Variants in SUPT6H observed in about 807,000 individuals in gnomAD.
The protein encoded by SUPT6H is transcription elongation factor SPT6.
In SUPT6H, 11 loss-of-function variants were observed where a neutral mutation model predicts 222.3. The observed-to-expected ratio is 0.05, with a 90% CI of 0.03 to 0.08. SUPT6H has a LOEUF of 0.08. Ranked by LOEUF, SUPT6H falls within the 10% of genes least tolerant of loss-of-function variation. The pLI, the probability that SUPT6H is intolerant of heterozygous loss-of-function variation, is 1.00. For missense variants in SUPT6H, 1,422 were observed against 2,216.0 expected (o/e 0.64, Z 7.19); for synonymous variants, 762 against 801.2 (o/e 0.95, Z 0.83).
At position 28,680,385 on chromosome 17, in the gene SUPT6H, G is replaced by A. The variant is rs148599211; in HGVS notation, c.1350-871G>A. On this transcript the variant is annotated intron_variant, in intron 11 of 36. Coordinates refer to ENST00000314616, the MANE Select transcript of SUPT6H (RefSeq NM_003170.5). ...GGCTGAGGTGGGCAGATCACCTGAC[G>A]TCAGGAGTTTGAGACCAGACTGGCC... is the stretch of plus-strand genomic sequence containing the variant. Among the ~76,000 whole-genome samples, 874 of 152,146 alleles carry A rather than the reference G, an allele frequency of 5.7e-3. 6 individuals are homozygous for A. Among genetic ancestry groups the A allele is most frequent in the African/African-American group, 0.02 (833 of 41,490 alleles).
Position 28,678,978 on chromosome 17 carries a change from G to A in SUPT6H, c.1349+15G>A, listed in dbSNP as rs531883002. The A allele has an allele frequency of 8.1e-6, 13 of 1,613,950 alleles. No homozygotes were observed. Among genetic ancestry groups the A allele is most frequent in the Non-Finnish European group, 1.1e-5 (13 of 1,179,980 alleles). ...GACATGGAGAGGTAAAACATGCGGT[G>A]TTTATTCCATTATGGGAAGCCCTCA... On this transcript the variant is annotated intron_variant, in intron 11 of 36. Coordinates refer to ENST00000314616, the MANE Select transcript of SUPT6H (RefSeq NM_003170.5).
chr17:28,695,218 CA>C (rs2031846371), intron 28 of SUPT6H, 133 bp from the exon 29 acceptor site: 1 of 850,838 alleles, frequency 1.2e-6, no homozygotes, highest in Non-Finnish European at 1.8e-6. Flanking sequence ...TGCCATTCAG[CA>C]GCTGGCTGGC....
intron 17 of SUPT6H, 93 bp downstream of exon 17, chr17:28,683,909 C>T (rs1378243427): frequency 4.1e-5 from 50 of 1,223,016 alleles, no homozygotes; most frequent in Non-Finnish European, 5.2e-5. Context: ...AATCTTGGCT[C>T]ACTGCAAGCT....
At position 28,669,198 on chromosome 17, in the gene SUPT6H, GT is replaced by G. The variant is rs377085961; in HGVS notation, c.-31-4166del. Reference sequence around the variant, plus strand: ...TTTATGAATAACAGTAGTTTTTTGGGTTTTTTTGTTTGTTTGTTTGTTTTGA... The same window carrying G: ...TTTATGAATAACAGTAGTTTTTTGGGTTTTTTGTTTGTTTGTTTGTTTTGA... On this transcript the variant is annotated intron_variant, in intron 1 of 36. Coordinates refer to ENST00000314616, the MANE Select transcript of SUPT6H (RefSeq NM_003170.5). Among the ~76,000 whole-genome samples the G allele has an allele frequency of 5.6e-4, 86 of 152,228 alleles. 1 individual carries two copies. The Middle Eastern group carries it at 0.02, about 36-fold the overall frequency.
At chr17:28,687,924 CTTTTT>C (rs75324284) in intron 23 of SUPT6H, among the ~76,000 whole-genome samples, 162 bp from the exon 24 acceptor site, 2 of 134,214 alleles carry the variant, frequency 1.5e-5, no homozygotes, top group African/African-American at 2.7e-5. Context: ...TAAAGCAAAA[CTTTTT>C]TTTTTTTTTT....
At position 28,677,783 on chromosome 17, in the gene SUPT6H, G is replaced by C. The variant is rs373272372; in HGVS notation, c.966G>C (p.Arg322Ser). ...AAGAAGAAGCTGACTGGATCTACAG[G>C]AATGCTTTTGCCACACCAACCATTT... is the stretch of plus-strand genomic sequence containing the variant. ...ELEEEADWIY[R>S]NAFATPTISL... The change falls in exon 8 of 37, where the codon AGG (arginine) becomes AGC (serine). Residue 322 changes from arginine (R) to serine (S), a missense_variant. Arg to Ser is a moderately radical substitution (Grantham distance 110, BLOSUM62 -1). Transcript: ENST00000314616. 1 of 1,614,110 alleles carries C rather than the reference G, an allele frequency of 6.2e-7. No individual in the cohort carries two copies. The highest frequency in any genetic ancestry group is 1.3e-5 in the African/African-American group (1 of 74,934).
chr17:28,670,426 C>T (rs2030344819), intron 1 of SUPT6H: 1 of 152,128 alleles, frequency 6.6e-6, no homozygotes. Context: ...GCTTAAAATA[C>T]CCAAGAGAGA....
intron 31 of SUPT6H, 68 bp downstream of exon 31, chr17:28,697,801 A>G: frequency 6.2e-7 from 1 of 1,607,380 alleles, no homozygotes; most frequent in Non-Finnish European, 8.5e-7. Context: ...TCCCTTCAGT[A>G]TAGGGGACAC....
intron 1 of SUPT6H, among the ~76,000 whole-genome samples, chr17:28,663,565 C>A (rs1411603194): frequency 6.6e-6 from 1 of 152,074 alleles, no homozygotes; most frequent in Non-Finnish European, 1.5e-5. Flanking sequence ...TAATAAATGG[C>A]ACTACCATCA....
chr17:28,680,653 T>C (rs1341199994), intron 11 of SUPT6H, among the ~76,000 whole-genome samples: 1 of 152,162 alleles, frequency 6.6e-6, no homozygotes, highest in Non-Finnish European at 1.5e-5. Flanking sequence ...GTTTTGTTTT[T>C]GTTTTTGTTT....
At chr17:28,667,429 ATATATATG>A (rs1373069411) in intron 1 of SUPT6H, among the ~76,000 whole-genome samples, 25 of 135,632 alleles carry the variant, frequency 1.8e-4, no homozygotes, top group Non-Finnish European at 3.9e-4. Context: ...ATATATATAT[ATATATATG>A]TATGTGTGTG....
intron 9 of SUPT6H, 61 bp downstream of exon 9, chr17:28,678,253 G>A: frequency 4.1e-6 from 6 of 1,446,268 alleles, no homozygotes; most frequent in Admixed American, 1.9e-5. Context: ...TGAGGGAAAA[G>A]ATAATTACCT....
Position 28,700,238 on chromosome 17 carries a change from A to G in SUPT6H, c.4627A>G (p.Ile1543Val). 6.2e-7 allele frequency: 1 copy of G among 1,614,214 alleles called. No homozygotes were observed. The highest frequency in any genetic ancestry group is 8.5e-7 in the Non-Finnish European group (1 of 1,180,038). Residue 1543 changes from isoleucine (I) to valine (V), a missense_variant, in exon 34 of 37, where the codon ATC becomes GTC. Around this residue, in one of 13 missense-constraint regions of SUPT6H, gnomAD observed 395 missense variants for 580.6 expected, o/e 0.68. Coordinates refer to ENST00000314616, the MANE Select transcript of SUPT6H (RefSeq NM_003170.5). ...CTCTATCAATGCTACCCCAGCCAAC[A>G]TCAACCTTGCAGGTGAGGAGCTTGA... is the stretch of plus-strand genomic sequence containing the variant. ...PASINATPAN[I>V]NLADLTRAVN... is the part of the protein sequence containing the mutation.
At chr17:28,678,481 C>A in intron 9 of SUPT6H, 64 bp from the exon 10 acceptor site, 1 of 1,492,742 alleles carries the variant, frequency 6.7e-7, no homozygotes, top group Non-Finnish European at 9.3e-7. Context: ...TCATTATCTA[C>A]TGACAGAGGG....
chr17:28,689,566 G>A lies in SUPT6H; in HGVS notation c.3342+5G>A, dbSNP rs2031546627. On this transcript the variant is annotated splice_donor_5th_base_variant and intron_variant, in intron 25 of 36. Coordinates refer to ENST00000314616, the MANE Select transcript of SUPT6H (RefSeq NM_003170.5). ...GCAGAAGAGCTGGAGAGGCAGGTAA[G>A]GGACAGCATGGAAGGCCCGGCAGGA... The A allele has an allele frequency of 1.9e-6, 3 of 1,613,604 alleles. No homozygotes were observed. Among genetic ancestry groups the A allele is most frequent in the East Asian group, 2.2e-5 (1 of 44,898 alleles).
intron 1 of SUPT6H, among the ~76,000 whole-genome samples, chr17:28,666,083 G>A (rs2029993008): frequency 6.6e-6 from 1 of 152,176 alleles, no homozygotes; most frequent in South Asian, 2.1e-4. Flanking sequence ...CACGTGTTGT[G>A]CTAGAAGCAC....
Position 28,673,461 on chromosome 17 carries a change from C to T in SUPT6H, c.60C>T (p.Gly20=), listed in dbSNP as rs896196015. The change falls in exon 2 of 37, where the codon GGC becomes GGT. Residue 20 remains glycine (G), a synonymous_variant. Transcript: ENST00000314616. ...EESEEEYNDE[G]EVVPRVTKKF... Reference sequence around the variant, plus strand: ...CAGAGGAAGAATACAATGATGAAGGCGAGGTGGTACCCCGAGTCACCAAGA... The same window carrying T: ...CAGAGGAAGAATACAATGATGAAGGTGAGGTGGTACCCCGAGTCACCAAGA... 1 of 1,613,716 alleles carries T rather than the reference C, an allele frequency of 6.2e-7. No homozygotes were observed. The highest frequency in any genetic ancestry group is 8.5e-7 in the Non-Finnish European group (1 of 1,180,006).
chr17:28,700,077 C>CT lies in SUPT6H; in HGVS notation c.4562-95dup, dbSNP rs1345949588. 3.0e-5 allele frequency: 47 copies of CT among 1,561,086 alleles called. No individual in the cohort carries two copies. The East Asian group carries it at 1.1e-3, about 35-fold the overall frequency. ...CACTGTGCCTATGCAGCTTCCCTTC[C>CT]TCCCTCTACCTACTTCAGTGCCCCT... On this transcript the variant is annotated intron_variant, in intron 33 of 36. Transcript: ENST00000314616.
rs1237023487 is a variant in SUPT6H, at chr17:28,675,140, GGAA to G, written c.522_524del (p.Glu174del). 2 of 1,611,248 alleles carry G rather than the reference GGAA, an allele frequency of 1.2e-6. No individual in the cohort carries two copies. The highest frequency in any genetic ancestry group is 1.3e-5 in the African/African-American group (1 of 74,650). On this transcript the variant is annotated inframe_deletion, in exon 5 of 37. Transcript: ENST00000314616. ...CCCCCATGGCTCCTCCAGAGGAGGAGGAAGAAGATGATGAGGAGTCAGGTATGT... is the reference window on the plus strand; with the variant it reads ...CCCCCATGGCTCCTCCAGAGGAGGAGGAAGATGATGAGGAGTCAGGTATGT...
Sources: allele counts gnomAD v4.1 joint callset (sites outside exome capture counted in the v4.1 genomes callset), GRCh38; gene constraint gnomAD v4.1.1; regional missense constraint gnomAD v4.1.1; transcripts MANE v1.5; gene names NCBI Gene and HGNC (gene_info 2026-07-23, HGNC 2026-07-21).